The following BBOX1 variants were observed in gnomAD, a reference collection of about 807,000 sequenced individuals.
BBOX1 encodes gamma-butyrobetaine hydroxylase 1, also known as gamma-butyrobetaine dioxygenase.
In BBOX1, 35 loss-of-function variants were observed where a neutral mutation model predicts 41.6. That is an observed-to-expected ratio of 0.84 (90% CI 0.64 to 1.11). The LOEUF is 1.11. Ranked by LOEUF, BBOX1 falls within the 50% of genes most tolerant of loss-of-function variation. BBOX1 has a pLI of 0.00. For synonymous variants in BBOX1, 163 were observed against 154.7 expected, an observed-to-expected ratio of 1.05 and a Z score of -0.40; for missense variants, 458 against 460.6, an observed-to-expected ratio of 0.99 and a Z score of 0.05.
At chr11:27,098,880 T>TCAAA (rs59984558) in intron 5 of BBOX1, among the ~76,000 whole-genome samples, 49,312 of 151,438 alleles carry the variant, frequency 0.33, 10,175 homozygotes, top group African/African-American at 0.59. Flanking sequence ...ACTCTACCAG[T>TCAAA]CTAACCTTTG....
chr11:27,092,382 G>A (rs1246783307), intron 4 of BBOX1, among the ~76,000 whole-genome samples: 1 of 151,920 alleles, frequency 6.6e-6, no homozygotes, highest in Non-Finnish European at 1.5e-5. Flanking sequence ...CCTGAATTCA[G>A]TTGGTAATAT....
intron 4 of BBOX1, among the ~76,000 whole-genome samples, chr11:27,085,107 C>CT (rs1857986829): frequency 6.6e-6 from 1 of 152,086 alleles, no homozygotes; most frequent in Non-Finnish European, 1.5e-5. Flanking sequence ...TAAGAAAATC[C>CT]TTTTAAATTA....
intron 6 of BBOX1, 52 bp from the exon 7 acceptor site, chr11:27,119,597 A>T: frequency 8.1e-6 from 8 of 987,482 alleles, no homozygotes; most frequent in Non-Finnish European, 8.0e-6. Flanking sequence ...TAATTCTAAT[A>T]ATTAAAATGT....
At chr11:27,094,397 G>A (rs1858361942) in intron 5 of BBOX1, among the ~76,000 whole-genome samples, 1 of 151,966 alleles carries the variant, frequency 6.6e-6, no homozygotes, top group Non-Finnish European at 1.5e-5. Context: ...CACACGAGCT[G>A]TATTCAGATG....
At chr11:27,079,036 G>A (rs1321943651) in intron 4 of BBOX1, among the ~76,000 whole-genome samples, 1 of 152,094 alleles carries the variant, frequency 6.6e-6, no homozygotes, top group Admixed American at 6.6e-5. Flanking sequence ...AAGAGCAAAG[G>A]CACGTTAAAG....
chr11:27,115,704 T>C, intron 6 of BBOX1, 147 bp downstream of exon 6: 1 of 565,270 alleles, frequency 1.8e-6, no homozygotes, highest in African/African-American at 2.0e-5. Flanking sequence ...ACAAAATCTC[T>C]GTACCTAAAT....
chr11:27,092,093 T>C (rs1456337286), intron 4 of BBOX1, among the ~76,000 whole-genome samples: 2 of 151,916 alleles, frequency 1.3e-5, no homozygotes, highest in Non-Finnish European at 2.9e-5. Flanking sequence ...CCTACAAAAA[T>C]TCCTATTTCT....
intron 4 of BBOX1, chr11:27,066,436 T>A (rs1296615092): frequency 6.6e-6 from 1 of 152,188 alleles, no homozygotes; most frequent in East Asian, 1.9e-4. Context: ...AGTGCCTATA[T>A]ATCAGCAGAT....
chr11:27,045,826 C>T (rs1323442070), intron 2 of BBOX1, among the ~76,000 whole-genome samples: 6 of 152,148 alleles, frequency 3.9e-5, no homozygotes, highest in Non-Finnish European at 2.9e-5. Context: ...TTCTCAGGTA[C>T]ATATTAATCT....
intron 5 of BBOX1, among the ~76,000 whole-genome samples, chr11:27,113,808 T>TAAAA (rs574427704): frequency 7.5e-6 from 1 of 134,176 alleles, no homozygotes; most frequent in South Asian, 2.4e-4. Flanking sequence ...AACCTAAAAG[T>TAAAA]AAAAAAAAAA....
At chr11:27,049,140 G>T (rs1481951230) in intron 2 of BBOX1, among the ~76,000 whole-genome samples, 1 of 151,722 alleles carries the variant, frequency 6.6e-6, no homozygotes, top group Non-Finnish European at 1.5e-5. Flanking sequence ...TTATTTGGGG[G>T]GGGGGAACTT....
chr11:27,071,439 A>T (rs1172696051), intron 4 of BBOX1, among the ~76,000 whole-genome samples: 3 of 151,428 alleles, frequency 2.0e-5, no homozygotes, highest in African/African-American at 7.3e-5. Flanking sequence ...TTGTAAGGTG[A>T]TATTGTTTGG....
Position 27,115,449 on chromosome 11 carries a change from C to T in BBOX1, c.534-3C>T, listed in dbSNP as rs749614284. 1 of 1,605,782 alleles carries T rather than the reference C, an allele frequency of 6.2e-7. No homozygotes were observed. The highest frequency in any genetic ancestry group is 1.7e-5 in the Admixed American group (1 of 58,870). ...TTAAACATGTGTTTCTTGCATTTTACAGACATACTTGGCAAGTGCAAGACA... is the reference window on the plus strand; with the variant it reads ...TTAAACATGTGTTTCTTGCATTTTATAGACATACTTGGCAAGTGCAAGACA... On this transcript the variant is annotated splice_polypyrimidine_tract_variant and splice_region_variant and intron_variant, in intron 5 of 8. Transcript: ENST00000263182.
intron 4 of BBOX1, among the ~76,000 whole-genome samples, chr11:27,089,341 T>C (rs1423532310): frequency 1.3e-5 from 2 of 151,956 alleles, no homozygotes; most frequent in African/African-American, 4.8e-5. Context: ...GACAGTACTA[T>C]AGTCTGTACC....
chr11:27,109,547 GA>G (rs1355572366), intron 5 of BBOX1, among the ~76,000 whole-genome samples: 2 of 151,756 alleles, frequency 1.3e-5, no homozygotes, highest in Non-Finnish European at 2.9e-5. Context: ...GAAAAGAACA[GA>G]AAAAACTGAC....
At position 27,125,789 on chromosome 11, in the gene BBOX1, AG is replaced by A; in HGVS notation, c.973del (p.Glu325AsnfsTer8). 6.2e-7 allele frequency: 1 copy of A among 1,612,214 alleles called. No individual in the cohort carries two copies. The part of the protein sequence containing the change: ...KEFVDLMNSK[E>X]SKFTFKMNPG... ...AGTTTGTTGACCTCATGAACAGCAA[AG>A]AATCCAAGTTTACCTTCAAGATGAA... On this transcript the variant is annotated frameshift_variant, in exon 8 of 9. Coordinates refer to ENST00000263182, the MANE Select transcript of BBOX1 (RefSeq NM_003986.3). LOFTEE classifies it high-confidence loss of function.
intron 4 of BBOX1, among the ~76,000 whole-genome samples, chr11:27,075,004 G>A (rs1363560102): frequency 1.3e-5 from 2 of 152,230 alleles, no homozygotes; most frequent in African/African-American, 4.8e-5. Context: ...TCCGGAGGAC[G>A]TGGCTAATGT....
rs757839184 is a variant in BBOX1, at chr11:27,055,406, G to A, written c.-25G>A. ...GATTTGTCATAGCAGGTAGCTGACA[G>A]CATCTACTCCTGAAGACCGGAAACA... On this transcript the variant is annotated 5_prime_UTR_variant, in exon 3 of 9. Coordinates refer to ENST00000263182, the MANE Select transcript of BBOX1 (RefSeq NM_003986.3). 7 of 1,603,354 alleles carry A rather than the reference G, an allele frequency of 4.4e-6. No homozygotes were observed. In the South Asian group the frequency reaches 6.6e-5, roughly 15 times the overall value.
chr11:27,094,357 C>A (rs1026183610), intron 5 of BBOX1, among the ~76,000 whole-genome samples: 4 of 151,906 alleles, frequency 2.6e-5, no homozygotes, highest in Admixed American at 6.6e-5. Context: ...GTGAAAGGGA[C>A]CTTCCAACTC....
Sources: allele counts gnomAD v4.1 joint callset (sites outside exome capture counted in the v4.1 genomes callset), GRCh38; gene constraint gnomAD v4.1.1; transcripts MANE v1.5; gene names NCBI Gene and HGNC (gene_info 2026-07-23, HGNC 2026-07-21).